The following RALA variants were observed in gnomAD, a reference collection of about 807,000 sequenced individuals.
The protein encoded by RALA is RAS like proto-oncogene A.
In RALA, 5 loss-of-function variants were observed where a neutral mutation model predicts 24.0. That is an observed-to-expected ratio of 0.21 (90% confidence interval 0.11 to 0.44). RALA has a LOEUF of 0.44. RALA is among the 20% of genes least tolerant of loss of function. The pLI, the probability that RALA is intolerant of heterozygous loss-of-function variation, is 0.99. For missense variants in RALA, 95 were observed against 241.2 expected (o/e 0.39, Z 4.01); for synonymous variants, 77 against 83.8 (o/e 0.92, Z 0.44).
intron 1 of RALA, among the ~76,000 whole-genome samples, chr7:39,677,925 T>C (rs1368814395): frequency 6.8e-6 from 1 of 146,310 alleles, no homozygotes; most frequent in East Asian, 2.1e-4. Flanking sequence ...TAAATTTGTT[T>C]GAGTTCATTG....
intron 1 of RALA, among the ~76,000 whole-genome samples, chr7:39,653,172 GGCATGCGCCAC>G (rs758187265): frequency 0.093 from 14,171 of 152,070 alleles, 720 homozygotes; most frequent in African/African-American, 0.12. Flanking sequence ...TGGGATTACA[GGCATGCGCCAC>G]CATGCCTGGC....
chr7:39,702,444 G>A (rs996075439), intron 4 of RALA, among the ~76,000 whole-genome samples: 8 of 152,106 alleles, frequency 5.3e-5, no homozygotes, highest in Non-Finnish European at 7.4e-5. Context: ...TAAATTTTAT[G>A]ACAAATCCTA....
At chr7:39,682,237 T>C (rs1583745611) in intron 1 of RALA, among the ~76,000 whole-genome samples, 1 of 152,182 alleles carries the variant, frequency 6.6e-6, no homozygotes, top group Non-Finnish European at 1.5e-5. Flanking sequence ...ACTTAGTGAG[T>C]GGTCAGTAAA....
chr7:39,680,061 C>T (rs1437089139), intron 1 of RALA, among the ~76,000 whole-genome samples: 2 of 151,970 alleles, frequency 1.3e-5, no homozygotes, highest in East Asian at 3.9e-4. Flanking sequence ...ATACTTTAGA[C>T]CTTCCCCACT....
chr7:39,645,003 T>C (rs545010842), intron 1 of RALA, among the ~76,000 whole-genome samples: 3 of 152,372 alleles, frequency 2.0e-5, no homozygotes, highest in East Asian at 3.9e-4. Flanking sequence ...GTTCTGCTTA[T>C]AAATTACTTT....
chr7:39,706,517 GTCTT>G lies in RALA; in HGVS notation c.*277_*280del, dbSNP rs1161327057. On this transcript the variant is annotated 3_prime_UTR_variant, in exon 5 of 5. Coordinates refer to ENST00000005257, the MANE Select transcript of RALA (RefSeq NM_005402.4). ...CGTGTAAGCTTGTGTTTCTTGGGCA[GTCTT>G]TCTTGAAATTGAAGAGGTGAAATGG... 2 of 244,954 alleles carry G rather than the reference GTCTT, an allele frequency of 8.2e-6. No individual in the cohort carries two copies. Among genetic ancestry groups the G allele is most frequent in the African/African-American group, 4.6e-5 (2 of 43,864 alleles). The allele number at this position is 244,954 out of a possible 1,614,324, so 15.2% of individuals were successfully genotyped here.
chr7:39,628,334 A>G (rs571207317), intron 1 of RALA, among the ~76,000 whole-genome samples: 1 of 151,474 alleles, frequency 6.6e-6, no homozygotes, highest in East Asian at 1.9e-4. Flanking sequence ...TCATTAGCCT[A>G]TTGTAAATTT....
intron 1 of RALA, among the ~76,000 whole-genome samples, chr7:39,643,209 C>A (rs1449047745): frequency 2.6e-5 from 4 of 152,166 alleles, no homozygotes; most frequent in African/African-American, 9.7e-5. Context: ...TTTGAGCATC[C>A]ATATAAATGC....
At chr7:39,652,744 A>G (rs902501138) in intron 1 of RALA, among the ~76,000 whole-genome samples, 5 of 152,108 alleles carry the variant, frequency 3.3e-5, no homozygotes, top group African/African-American at 1.2e-4. Context: ...TTGTAGTCAA[A>G]TCTTGATGTA....
At chr7:39,652,915 A>G (rs1404378641) in intron 1 of RALA, among the ~76,000 whole-genome samples, 9 of 150,682 alleles carry the variant, frequency 6.0e-5, no homozygotes, top group South Asian at 2.1e-4. Flanking sequence ...ACAGGCATGC[A>G]CCACCATACA....
At chr7:39,644,000 A>G (rs1274122126) in intron 1 of RALA, among the ~76,000 whole-genome samples, 2 of 152,248 alleles carry the variant, frequency 1.3e-5, no homozygotes, top group African/African-American at 2.4e-5. Context: ...AGGTTAATAC[A>G]TATAATGACT....
chr7:39,703,584 A>G (rs1451240985), intron 4 of RALA, among the ~76,000 whole-genome samples: 1 of 152,218 alleles, frequency 6.6e-6, no homozygotes, highest in Non-Finnish European at 1.5e-5. Flanking sequence ...TTTAGGAGGA[A>G]TGATATTTAG....
chr7:39,659,666 G>GT (rs1792154338), intron 1 of RALA, among the ~76,000 whole-genome samples: 1 of 152,116 alleles, frequency 6.6e-6, no homozygotes, highest in Non-Finnish European at 1.5e-5. Flanking sequence ...ATTAATCACT[G>GT]TTTTTGGAAT....
At position 39,707,302 on chromosome 7, in the gene RALA, C is replaced by G. The variant is rs1419716338; in HGVS notation, c.*1057C>G. On this transcript the variant is annotated 3_prime_UTR_variant, in exon 5 of 5. Coordinates refer to ENST00000005257, the MANE Select transcript of RALA (RefSeq NM_005402.4). ...AGTGCTAATGCATTTTGCACTAGAA[C>G]GCTTCGGGAAAATATTCATGCTTGC... 6.6e-6 allele frequency: 1 copy of G among 152,160 alleles called. No homozygotes were observed. The highest frequency in any genetic ancestry group is 1.5e-5 in the Non-Finnish European group (1 of 68,032). 9.4% of individuals were successfully genotyped at this position (152,160 alleles called of 1,614,324 possible). A position where few individuals can be genotyped will look rare whatever the true frequency, so the allele number is the denominator to read the frequency against.
chr7:39,693,309 G>A (rs1416169358), intron 3 of RALA, among the ~76,000 whole-genome samples: 1 of 152,086 alleles, frequency 6.6e-6, no homozygotes, highest in African/African-American at 2.4e-5. Flanking sequence ...TGAGCAAACT[G>A]TCACAAGGAC....
At chr7:39,674,705 T>C in intron 1 of RALA, among the ~76,000 whole-genome samples, 1 of 152,152 alleles carries the variant, frequency 6.6e-6, no homozygotes, top group East Asian at 1.9e-4. Flanking sequence ...GATTTTGGAA[T>C]ATTTGCAAAT....
At chr7:39,681,179 C>A (rs912364737) in intron 1 of RALA, among the ~76,000 whole-genome samples, 1 of 152,024 alleles carries the variant, frequency 6.6e-6, no homozygotes, top group East Asian at 1.9e-4. Context: ...TAAAAAGCAG[C>A]CAAACAAAAA....
intron 1 of RALA, among the ~76,000 whole-genome samples, chr7:39,639,213 C>G (rs1485337539): frequency 6.6e-6 from 1 of 152,192 alleles, no homozygotes; most frequent in Non-Finnish European, 1.5e-5. Flanking sequence ...CAAAACACTT[C>G]TAAACATTGA....
At position 39,706,235 on chromosome 7, in the gene RALA, G is replaced by T; in HGVS notation, c.611G>T (p.Cys204Phe). Residue 204 changes from cysteine (C) to phenylalanine (F), a missense_variant, in exon 5 of 5, where the codon TGC becomes TTC. Transcript: ENST00000005257. ...GCCAAGAGAATCAGAGAAAGATGCT[G>T]CATTTTATAATCAAAGCCCAAACTC... ...SLAKRIRERC[C>F]IL The T allele has an allele frequency of 6.2e-7, 1 of 1,605,922 alleles. No individual in the cohort carries two copies. The highest frequency in any genetic ancestry group is 1.1e-5 in the South Asian group (1 of 89,164).
Sources: gnomAD v4.1 joint callset for allele counts (sites outside exome capture counted in the v4.1 genomes callset) on GRCh38, gnomAD v4.1.1 for gene constraint, MANE v1.5 for transcripts, NCBI Gene and HGNC (gene_info 2026-07-23, HGNC 2026-07-21) for gene names.